Variants in MME observed in about 807,000 individuals in gnomAD.
The protein encoded by MME is neprilysin.
MME carries 98 observed loss-of-function variants against 113.2 expected under a neutral mutation model. The ratio of observed to expected loss-of-function variants is 0.87; its 90% CI spans 0.74 to 1.02. MME has a LOEUF of 1.02. Ranked by LOEUF, MME falls within the 50% of genes least tolerant of loss-of-function variation. MME has a pLI of 0.00. For missense variants in MME, 836 were observed against 896.0 expected, an observed-to-expected ratio of 0.93 and a Z score of 0.86; for synonymous variants, 292 against 300.6, an observed-to-expected ratio of 0.97 and a Z score of 0.30.
In MME at chr3:155,182,000, T is replaced by G. The variant is rs1042854249; in HGVS notation, c.*1541T>G. On this transcript the variant is annotated 3_prime_UTR_variant, in exon 23 of 23. Coordinates refer to ENST00000360490, the MANE Select transcript of MME (RefSeq NM_007289.4). ...AGTATACAGTTCAATAAACTTAACT[T>G]TAACTGAACAATGGCCCTGTAGCCA... 1 of 152,154 alleles carries G rather than the reference T, an allele frequency of 6.6e-6. No homozygotes were observed. The highest frequency in any genetic ancestry group is 1.5e-5 in the Non-Finnish European group (1 of 68,022). 9.4% of individuals were successfully genotyped at this position (152,154 alleles called of 1,614,324 possible). A position where few individuals can be genotyped will look rare whatever the true frequency, so the allele number is the denominator to read the frequency against.
rs114617794 is a variant in MME at position 155,044,285 on chromosome 3, A to G, written c.-11+19961A>G. Among the ~76,000 whole-genome samples, 813 of 151,616 alleles carry G rather than the reference A, an allele frequency of 5.4e-3. 4 individuals carry two copies. The highest frequency in any genetic ancestry group is 0.019 in the African/African-American group (786 of 41,386). ...GTAGCTGGCATTACAGGTGCACGCC[A>G]GGACACCTGGCTAATTTTTGTATTA... On this transcript the variant is annotated intron_variant, in intron 1 of 22. Coordinates refer to the MME transcript ENST00000492661.
Position 155,064,302 on chromosome 3 carries a change from A to G in MME, c.-10-19856A>G, listed in dbSNP as rs540226008. 1.6e-4 allele frequency among the ~76,000 whole-genome samples: 25 copies of G among 152,202 alleles called. No homozygotes were observed. The South Asian group carries it at 4.6e-3, about 28-fold the overall frequency. On this transcript the variant is annotated intron_variant, in intron 1 of 22. Transcript: ENST00000492661. ...AGACTCTGTCTCAAAAAAAAATTAT[A>G]CATATATAATATAACAAATATATGT...
At chr3:155,179,868 C>CA (rs1158620066) in intron 22 of MME, among the ~76,000 whole-genome samples, 1 of 152,040 alleles carries the variant, frequency 6.6e-6, no homozygotes, top group African/African-American at 2.4e-5. Flanking sequence ...ATAAAAGCAA[C>CA]AAAAAATATC....
intron 8 of MME, among the ~76,000 whole-genome samples, chr3:155,123,262 A>T (rs1454250404): frequency 2.7e-5 from 1 of 37,394 alleles, no homozygotes; most frequent in African/African-American, 1.0e-4. Flanking sequence ...TTTGTTTTCC[A>T]TTTGCTTGGT....
At chr3:155,173,924 G>A (rs1712243857) in intron 22 of MME, among the ~76,000 whole-genome samples, 1 of 151,990 alleles carries the variant, frequency 6.6e-6, no homozygotes, top group Non-Finnish European at 1.5e-5. Context: ...TTCTTGATAT[G>A]TAAAATAAGG....
intron 3 of MME, among the ~76,000 whole-genome samples, chr3:155,109,033 A>G (rs560765848): frequency 8.5e-5 from 13 of 152,184 alleles, no homozygotes; most frequent in Non-Finnish European, 1.8e-4. Context: ...TAGCAGACCA[A>G]TGGAATGCTG....
At chr3:155,164,993 C>T (rs1722986723) in intron 17 of MME, among the ~76,000 whole-genome samples, 1 of 152,100 alleles carries the variant, frequency 6.6e-6, no homozygotes, top group South Asian at 2.1e-4. Flanking sequence ...TTCAGCCCAC[C>T]TGAAAGACAA....
intron 17 of MME, among the ~76,000 whole-genome samples, chr3:155,160,839 CT>C (rs1722667035): frequency 1.3e-5 from 2 of 152,042 alleles, no homozygotes; most frequent in South Asian, 4.1e-4. Flanking sequence ...CAAGAGCCAA[CT>C]TTTCACAGAT....
At chr3:155,134,969 T>A (rs1351823730) in intron 8 of MME, among the ~76,000 whole-genome samples, 1 of 152,182 alleles carries the variant, frequency 6.6e-6, no homozygotes, top group Non-Finnish European at 1.5e-5. Flanking sequence ...CTTTTCCTAC[T>A]TTTTAATGGG....
intron 20 of MME, among the ~76,000 whole-genome samples, chr3:155,169,072 C>T (rs965982211): frequency 1.3e-5 from 2 of 152,042 alleles, no homozygotes; most frequent in African/African-American, 4.8e-5. Flanking sequence ...AGAGCAGGTT[C>T]ACAAAGGAGG....
At chr3:155,047,648 G>C (rs1270225618) in intron 1 of MME, among the ~76,000 whole-genome samples, 1 of 152,102 alleles carries the variant, frequency 6.6e-6, no homozygotes, top group Non-Finnish European at 1.5e-5. Flanking sequence ...GTATCTGATA[G>C]TTCCAATATC....
At chr3:155,169,081 G>A (rs1209861176) in intron 20 of MME, among the ~76,000 whole-genome samples, 4 of 152,000 alleles carry the variant, frequency 2.6e-5, no homozygotes. Flanking sequence ...TCACAAAGGA[G>A]GCAACATTTT....
At chr3:155,114,890 G>C in intron 3 of MME, 104 bp from the exon 4 acceptor site, 1 of 1,184,044 alleles carries the variant, frequency 8.4e-7, no homozygotes, top group Non-Finnish European at 1.3e-6. Context: ...CGGAGCATCC[G>C]ACAAATTGAT....
At chr3:155,127,947 C>A (rs529326708) in intron 8 of MME, among the ~76,000 whole-genome samples, 3 of 83,168 alleles carry the variant, frequency 3.6e-5, no homozygotes, top group South Asian at 5.1e-4. Context: ...TTATTCTCAG[C>A]TTAATTAGGT....
At chr3:155,082,637 C>T (rs982580412) in intron 1 of MME, among the ~76,000 whole-genome samples, 6 of 152,106 alleles carry the variant, frequency 3.9e-5, no homozygotes, top group African/African-American at 7.2e-5. Context: ...TTAGCAGACA[C>T]GGTTTTCATT....
chr3:155,078,216 C>G (rs901145806), upstream of MME, among the ~76,000 whole-genome samples: 2 of 152,016 alleles, frequency 1.3e-5, no homozygotes, highest in African/African-American at 4.8e-5. Flanking sequence ...GCACGAGACT[C>G]TGTAGGAAAA....
At chr3:155,057,771 TTTTTTA>T (rs1713986773) in intron 1 of MME, among the ~76,000 whole-genome samples, 1 of 151,672 alleles carries the variant, frequency 6.6e-6, no homozygotes, top group Non-Finnish European at 1.5e-5. Flanking sequence ...ATCAGCGACA[TTTTTTA>T]GGATCTAATT....
intron 22 of MME, among the ~76,000 whole-genome samples, chr3:155,173,115 A>C (rs974237850): frequency 6.6e-6 from 1 of 152,164 alleles, no homozygotes; most frequent in African/African-American, 2.4e-5. Flanking sequence ...TGCTCTACAG[A>C]GTAGAAAACT....
At chr3:155,142,434 G>A in intron 12 of MME, 104 bp downstream of exon 12, 1 of 944,346 alleles carries the variant, frequency 1.1e-6, no homozygotes, top group Non-Finnish European at 1.7e-6. Context: ...CTTTGCAAAG[G>A]GACAAAATGC....
Sources: allele counts gnomAD v4.1 joint callset (sites outside exome capture counted in the v4.1 genomes callset), GRCh38; gene constraint gnomAD v4.1.1; transcripts MANE v1.5; gene names NCBI Gene and HGNC (gene_info 2026-07-23, HGNC 2026-07-21).